The following KLHL1 variants were observed in gnomAD, a reference collection of about 807,000 sequenced individuals.
KLHL1 encodes the protein kelch like family member 1, also known as kelch-like protein 1.
A neutral mutation model predicts 77.7 loss-of-function variants in KLHL1; 47 were observed. The ratio of observed to expected loss-of-function variants is 0.60; its 90% CI spans 0.48 to 0.77. The LOEUF (loss-of-function observed/expected upper bound fraction) is 0.77. Ranked by LOEUF, KLHL1 falls within the 30% of genes least tolerant of loss-of-function variation. The pLI is 0.00. For synonymous variants in KLHL1, 360 were observed against 325.2 expected (o/e 1.11, Z -1.15); for missense variants, 925 against 910.8 (o/e 1.02, Z -0.20).
At chr13:70,020,731 G>T (rs1885767114) in intron 1 of KLHL1, among the ~76,000 whole-genome samples, 1 of 151,978 alleles carries the variant, frequency 6.6e-6, no homozygotes, top group African/African-American at 2.4e-5. Context: ...ATACTGAAGT[G>T]ACAATACTAG....
intron 1 of KLHL1, among the ~76,000 whole-genome samples, chr13:69,996,114 C>A (rs1450151108): frequency 6.6e-6 from 1 of 151,968 alleles, no homozygotes; most frequent in African/African-American, 2.4e-5. Flanking sequence ...ACCATCCTGG[C>A]CAACATGGTA....
At chr13:69,930,220 G>A (rs1882955161) in intron 4 of KLHL1, among the ~76,000 whole-genome samples, 3 of 151,724 alleles carry the variant, frequency 2.0e-5, no homozygotes, top group Admixed American at 2.0e-4. Flanking sequence ...AATCCTCAGA[G>A]CATTTTATGA....
At chr13:70,000,183 C>T (rs554451544) in intron 1 of KLHL1, among the ~76,000 whole-genome samples, 1 of 151,644 alleles carries the variant, frequency 6.6e-6, no homozygotes, top group African/African-American at 2.4e-5. Flanking sequence ...AAGGGAAAAA[C>T]ATTCATGAGG....
At chr13:69,903,065 A>T (rs1881926605) in intron 4 of KLHL1, among the ~76,000 whole-genome samples, 1 of 152,180 alleles carries the variant, frequency 6.6e-6, no homozygotes, top group South Asian at 2.1e-4. Flanking sequence ...GGATCTATTC[A>T]AATAGATGGA....
At chr13:69,783,955 A>C (rs1206774618) in intron 7 of KLHL1, among the ~76,000 whole-genome samples, 1 of 152,170 alleles carries the variant, frequency 6.6e-6, no homozygotes, top group Non-Finnish European at 1.5e-5. Flanking sequence ...TTACCCACAA[A>C]GGGAAGCCCA....
At chr13:70,096,050 G>T (rs554748133) in intron 1 of KLHL1, among the ~76,000 whole-genome samples, 1 of 151,032 alleles carries the variant, frequency 6.6e-6, no homozygotes, top group Non-Finnish European at 1.5e-5. Flanking sequence ...ACCAAATAAT[G>T]CTTTATTGCA....
rs184628046 is a variant in KLHL1 at position 69,988,357 on chromosome 13, C to T, written c.498-12555G>A. ...TATGTACCACATTGTCTTTATCCAG[C>T]CTATGGTTGTTTGGCATTTAGGTTG... On this transcript the variant is annotated intron_variant, in intron 1 of 10. Transcript: ENST00000377844. Among the ~76,000 whole-genome samples, 486 of 152,102 alleles carry T rather than the reference C, an allele frequency of 3.2e-3. 4 individuals carry two copies. The highest frequency in any genetic ancestry group is 0.011 in the African/African-American group (467 of 41,516).
intron 1 of KLHL1, among the ~76,000 whole-genome samples, chr13:70,042,057 A>T (rs531121481): frequency 6.6e-6 from 1 of 152,280 alleles, no homozygotes; most frequent in East Asian, 1.9e-4. Context: ...CTTGGTCTAG[A>T]AAAAGCAGGC....
At chr13:69,982,211 A>C (rs928615779) in intron 1 of KLHL1, among the ~76,000 whole-genome samples, 14 of 151,806 alleles carry the variant, frequency 9.2e-5, no homozygotes, top group Non-Finnish European at 1.9e-4. Context: ...AGGCGGGCGG[A>C]TTACCTGAGT....
At chr13:70,083,823 A>G (rs927252917) in intron 1 of KLHL1, among the ~76,000 whole-genome samples, 1 of 152,154 alleles carries the variant, frequency 6.6e-6, no homozygotes, top group Non-Finnish European at 1.5e-5. Context: ...CATTGTATAC[A>G]TATATTTAAA....
chr13:70,002,267 T>C (rs1335730907), intron 1 of KLHL1, among the ~76,000 whole-genome samples: 1 of 151,648 alleles, frequency 6.6e-6, no homozygotes, highest in African/African-American at 2.4e-5. Flanking sequence ...GTCCGCATGT[T>C]TGAACAGCAG....
At chr13:69,725,094 C>T (rs1335568994) in intron 8 of KLHL1, among the ~76,000 whole-genome samples, 1 of 152,146 alleles carries the variant, frequency 6.6e-6, no homozygotes, top group Admixed American at 6.6e-5. Flanking sequence ...CCTGTCCAAC[C>T]TTTGCCCTGA....
At chr13:70,088,975 G>A (rs1312562490) in intron 1 of KLHL1, among the ~76,000 whole-genome samples, 1 of 151,976 alleles carries the variant, frequency 6.6e-6, no homozygotes, top group African/African-American at 2.4e-5. Context: ...TTATTTTATT[G>A]TTTCTTATCA....
chr13:70,022,410 G>C (rs1885827821), intron 1 of KLHL1, among the ~76,000 whole-genome samples: 1 of 151,572 alleles, frequency 6.6e-6, no homozygotes, highest in African/African-American at 2.4e-5. Flanking sequence ...TTGGGGAATG[G>C]AGTGAGAAAA....
chr13:69,764,568 C>T (rs997561745), intron 7 of KLHL1, among the ~76,000 whole-genome samples: 11 of 152,038 alleles, frequency 7.2e-5, no homozygotes, highest in Admixed American at 3.3e-4. Flanking sequence ...TACTTTGCAT[C>T]GCTATCATGA....
At chr13:69,802,021 C>G (rs762670763) in intron 6 of KLHL1, among the ~76,000 whole-genome samples, 5 of 152,180 alleles carry the variant, frequency 3.3e-5, no homozygotes, top group Admixed American at 6.5e-5. Context: ...CCCTTGCCCC[C>G]CTACCCCCTG....
rs748499865 is a variant in KLHL1 at position 69,707,759 on chromosome 13, G to C, written c.2053C>G (p.Pro685Ala). 6 of 1,612,676 alleles carry C rather than the reference G, an allele frequency of 3.7e-6. No individual in the cohort carries two copies. Residue 685 changes from proline to alanine, a missense_variant, in exon 10 of 11, where the codon CCT becomes GCT. By Grantham distance (27) the Pro-to-Ala change is conservative. Coordinates refer to ENST00000377844, the MANE Select transcript of KLHL1 (RefSeq NM_020866.3). ...ACAGCATCTCTGGGCATACTCAAAG[G>C]AGCCACCATGGTCCAAGTGTCTGTT... Reference protein sequence around the residue: ...PKTDTWTMVAPLSMPRDAVGV... With the variant: ...PKTDTWTMVAALSMPRDAVGV...
intron 2 of KLHL1, among the ~76,000 whole-genome samples, chr13:69,971,624 GA>G (rs907830371): frequency 2.0e-5 from 3 of 151,816 alleles, no homozygotes; most frequent in African/African-American, 7.2e-5. Flanking sequence ...CAATTTCTCT[GA>G]AAAACTTTCA....
chr13:70,045,221 A>G (rs894876513), intron 1 of KLHL1, among the ~76,000 whole-genome samples: 7 of 152,202 alleles, frequency 4.6e-5, no homozygotes, highest in African/African-American at 1.7e-4. Flanking sequence ...TAAATCAAGC[A>G]TATTACAATC....
Sources: allele counts gnomAD v4.1 joint callset (sites outside exome capture counted in the v4.1 genomes callset), GRCh38; gene constraint gnomAD v4.1.1; transcripts MANE v1.5; gene names NCBI Gene and HGNC (gene_info 2026-07-23, HGNC 2026-07-21).